The following XKR7 variants were observed in gnomAD, a reference collection of about 807,000 sequenced individuals.
The protein encoded by XKR7 is XK related 7, also known as XK-related protein 7.
XKR7 carries 11 observed loss-of-function variants against 42.2 expected under a neutral mutation model. The ratio of observed to expected loss-of-function variants is 0.26; its 90% CI spans 0.16 to 0.43. The LOEUF is 0.43. Ranked by LOEUF, XKR7 falls within the 20% of genes least tolerant of loss-of-function variation. The probability of loss-of-function intolerance (pLI) is 1.00; values close to 1 mark genes in which losing one functional copy is unlikely to be tolerated. For synonymous variants in XKR7, 346 were observed against 366.4 expected (o/e 0.94, Z 0.64); for missense variants, 710 against 802.2 (o/e 0.89, Z 1.39).
At chr20:31,986,125 G>A (rs2122267583) in intron 1 of XKR7, among the ~76,000 whole-genome samples, 1 of 140,314 alleles carries the variant, frequency 7.1e-6, no homozygotes, top group East Asian at 2.2e-4. Context: ...AACAGATCCA[G>A]CATCCAAGGC....
chr20:31,969,121 C>T (rs557189041), intron 1 of XKR7, among the ~76,000 whole-genome samples: 8 of 152,302 alleles, frequency 5.3e-5, no homozygotes, highest in Non-Finnish European at 1.2e-4. Flanking sequence ...ATAACCCACT[C>T]CTCTCTGCCT....
rs556296390 is a variant in XKR7 at position 32,002,796 on chromosome 20, C to G, written c.*5339C>G. On this transcript the variant is annotated 3_prime_UTR_variant, in exon 3 of 3. Coordinates refer to ENST00000562532, the MANE Select transcript of XKR7 (RefSeq NM_001011718.2). The stretch of plus-strand genomic sequence containing the variant: ...ATGTATTTTATTGAGTTGCTTAATA[C>G]AAAATTCTCAAAAGCACTTGTGGGC... 1.3e-5 allele frequency: 2 copies of G among 152,312 alleles called. No individual in the cohort carries two copies. Among genetic ancestry groups the G allele is most frequent in the African/African-American group, 4.8e-5 (2 of 41,566 alleles). 9.4% of individuals were successfully genotyped at this position (152,312 alleles called of 1,614,324 possible).
intron 2 of XKR7, among the ~76,000 whole-genome samples, chr20:31,996,073 G>A (rs1016683021): frequency 2.7e-5 from 4 of 150,742 alleles, no homozygotes; most frequent in Admixed American, 2.0e-4. Context: ...CTCCATGCCC[G>A]GCCTCCTCCT....
Position 31,996,578 on chromosome 20 carries a change from G to C in XKR7, c.861G>C (p.Ser287=). 5 of 1,538,642 alleles carry C rather than the reference G, an allele frequency of 3.2e-6. No homozygotes were observed. Among genetic ancestry groups the C allele is most frequent in the Non-Finnish European group, 4.4e-6 (5 of 1,146,180 alleles). The change falls in exon 3 of 3, where the codon TCG becomes TCC. Residue 287 remains serine, a synonymous_variant. Coordinates refer to ENST00000562532, the MANE Select transcript of XKR7 (RefSeq NM_001011718.2). ...LASYQKVLRD[S]RDDKRPLSYK... ...CCTACCAGAAGGTGCTGCGGGACTC[G>C]CGGGACGACAAGCGGCCGCTGTCCT... is the stretch of plus-strand genomic sequence containing the variant.
intron 1 of XKR7, among the ~76,000 whole-genome samples, chr20:31,972,711 G>T (rs1426503394): frequency 6.6e-6 from 1 of 152,156 alleles, no homozygotes; most frequent in Non-Finnish European, 1.5e-5. Flanking sequence ...CCAGGCTTTC[G>T]GGATCTGGGA....
Position 31,968,828 on chromosome 20 carries a change from C to T in XKR7, c.584+69C>T. 7.0e-7 allele frequency: 1 copy of T among 1,436,982 alleles called. No homozygotes were observed. The highest frequency in any genetic ancestry group is 1.5e-5 in the South Asian group (1 of 68,206). The allele number at this position is 1,436,982 out of a possible 1,614,324, so 89.0% of individuals were successfully genotyped here. On this transcript the variant is annotated intron_variant, in intron 1 of 2. Transcript: ENST00000562532. The surrounding 1 kb of genome is among the most constrained non-coding windows in gnomAD (Gnocchi z 4.5). ...GGTGGCGAAGGGCTACCTGACGTCC[C>T]AGCCCTGATCTGACCTTTCCGGGCT...
rs1178364085 is a variant in XKR7 at position 31,968,566 on chromosome 20, G to A, written c.391G>A (p.Asp131Asn). Residue 131 changes from aspartate to asparagine, a missense_variant, in exon 1 of 3, where the codon GAC becomes AAC. This residue lies in a region of XKR7 where 708 missense variants were observed against 786.2 expected (regional missense o/e 0.90). Transcript: ENST00000562532. This position sits in a 1 kb window ranked among gnomAD's most constrained non-coding sequence, Gnocchi z 4.5. ...GSPGPAVSTK[D>N]SVAGGAAIST... ...CCCGGGACCCGCCGTCAGCACCAAG[G>A]ACAGCGTAGCCGGCGGAGCCGCCAT... The A allele has an allele frequency of 6.2e-7, 1 of 1,610,770 alleles. No individual in the cohort carries two copies. The highest frequency in any genetic ancestry group is 1.1e-5 in the South Asian group (1 of 90,938).
intron 1 of XKR7, among the ~76,000 whole-genome samples, chr20:31,979,114 G>A (rs1354857109): frequency 4.1e-5 from 6 of 146,562 alleles, no homozygotes; most frequent in African/African-American, 1.3e-4. Flanking sequence ...CAGCCTGGGC[G>A]ACAGAGTGAG....
In XKR7 at chr20:31,995,035, C is replaced by A. The variant is rs1158731907; in HGVS notation, c.585-33C>A. 1 of 1,539,090 alleles carries A rather than the reference C, an allele frequency of 6.5e-7. No individual in the cohort carries two copies. The highest frequency in any genetic ancestry group is 2.5e-5 in the East Asian group (1 of 40,574). On this transcript the variant is annotated intron_variant, in intron 1 of 2. Coordinates refer to ENST00000562532, the MANE Select transcript of XKR7 (RefSeq NM_001011718.2). The surrounding 1 kb of genome is among the most constrained non-coding windows in gnomAD (Gnocchi z 4.1). ...TGCGACAGAGCGAGAGGAACCAGCG[C>A]GCGGGAGCCTGAGCACCGCGTCCTT...
rs963963189 is a variant in XKR7 at position 31,968,692 on chromosome 20, T to G, written c.517T>G (p.Cys173Gly). ...PSSASAYRRR[C>G]CRLCIWLLQT... ...CTCGGCCAGCGCCTACCGCCGCCGC[T>G]GCTGCCGCCTCTGCATCTGGCTGCT... The change falls in exon 1 of 3, where the codon TGC (cysteine) becomes GGC (glycine). Residue 173 changes from cysteine (C) to glycine (G), a missense_variant. By Grantham distance (159) the Cys-to-Gly change is radical (BLOSUM62 -3). Transcript: ENST00000562532. The surrounding 1 kb of genome is among the most constrained non-coding windows in gnomAD (Gnocchi z 4.5). 6.4e-7 allele frequency: 1 copy of G among 1,566,230 alleles called. No homozygotes were observed. Among genetic ancestry groups the G allele is most frequent in the Non-Finnish European group, 8.6e-7 (1 of 1,163,894 alleles).
chr20:31,971,594 G>A (rs183915572), intron 1 of XKR7, among the ~76,000 whole-genome samples: 147 of 152,330 alleles, frequency 9.7e-4, no homozygotes, highest in Non-Finnish European at 1.7e-3. Flanking sequence ...TCTGAGTGGT[G>A]GGGCCTGGGG....
intron 1 of XKR7, among the ~76,000 whole-genome samples, chr20:31,983,745 G>A (rs983839837): frequency 2.0e-5 from 3 of 152,160 alleles, no homozygotes; most frequent in South Asian, 2.1e-4. Flanking sequence ...TCAGGAGTTC[G>A]AGACCATCCT....
At position 31,995,095 on chromosome 20, in the gene XKR7, G is replaced by A; in HGVS notation, c.612G>A (p.Leu204=). The A allele has an allele frequency of 6.4e-7, 1 of 1,554,184 alleles. No individual in the cohort carries two copies. The highest frequency in any genetic ancestry group is 1.9e-5 in the Admixed American group (1 of 51,796). ...ACCTGCGCGCCCTGTACCTGGGGCT[G>A]CAGAGCCGCTGGCGCGGGGAGCGGC... ...WRYLRALYLG[L]QSRWRGERLR... is the part of the protein sequence containing the mutation. The change falls in exon 2 of 3, where the codon CTG becomes CTA. Residue 204 remains leucine, a synonymous_variant. Coordinates refer to ENST00000562532, the MANE Select transcript of XKR7 (RefSeq NM_001011718.2). This position sits in a 1 kb window ranked among gnomAD's most constrained non-coding sequence, Gnocchi z 4.1.
At position 32,002,198 on chromosome 20, in the gene XKR7, C is replaced by G. The variant is rs1010453443; in HGVS notation, c.*4741C>G. ...TCCCCAGGGGACAGAGAGGTTACCC[C>G]CTTGTGCTTAGCTTCTGCCACCCTT... On this transcript the variant is annotated 3_prime_UTR_variant, in exon 3 of 3. Transcript: ENST00000562532. 1 of 152,194 alleles carries G rather than the reference C, an allele frequency of 6.6e-6. No homozygotes were observed. The allele number at this position is 152,194 out of a possible 1,614,324, so 9.4% of individuals were successfully genotyped here.
At chr20:31,969,988 G>T (rs1440808618) in intron 1 of XKR7, among the ~76,000 whole-genome samples, 1 of 152,188 alleles carries the variant, frequency 6.6e-6, no homozygotes, top group Non-Finnish European at 1.5e-5. Context: ...CTCACTTGCT[G>T]TGTCACTCTT....
At position 31,999,734 on chromosome 20, in the gene XKR7, C is replaced by T. The variant is rs1039972427; in HGVS notation, c.*2277C>T. ...TTACACTCTCCTCTGGTCACGACGT[C>T]CCTGCAAGAGAGGTATTATCAACCC... is the stretch of plus-strand genomic sequence containing the variant. On this transcript the variant is annotated 3_prime_UTR_variant, in exon 3 of 3. Coordinates refer to ENST00000562532, the MANE Select transcript of XKR7 (RefSeq NM_001011718.2). The T allele has an allele frequency of 1.5e-4, 23 of 152,184 alleles. 1 individual carries two copies. Among genetic ancestry groups the T allele is most frequent in the African/African-American group, 5.5e-4 (23 of 41,534 alleles). 9.4% of individuals were successfully genotyped at this position (152,184 alleles called of 1,614,324 possible).
At chr20:31,985,056 G>A (rs2064531352) in intron 1 of XKR7, among the ~76,000 whole-genome samples, 1 of 152,242 alleles carries the variant, frequency 6.6e-6, no homozygotes, top group African/African-American at 2.4e-5. Context: ...CTCAGTAAGT[G>A]TGAGCTGTTA....
intron 1 of XKR7, among the ~76,000 whole-genome samples, chr20:31,990,120 G>A (rs757073581): frequency 6.6e-6 from 1 of 152,090 alleles, no homozygotes; most frequent in Non-Finnish European, 1.5e-5. Context: ...CCTGCCCAGT[G>A]TATGCTACTC....
Position 31,995,712 on chromosome 20 carries a change from G to T in XKR7, c.787+442G>T, listed in dbSNP as rs1054960575. On this transcript the variant is annotated intron_variant, in intron 2 of 2. Coordinates refer to ENST00000562532, the MANE Select transcript of XKR7 (RefSeq NM_001011718.2). The surrounding 1 kb of genome is among the most constrained non-coding windows in gnomAD (Gnocchi z 4.1). ...TGGCCAATCACCATCAGTTTCCAGA[G>T]AGCCTACCCCTTCACTGGGGGGCCC... 6.6e-6 allele frequency among the ~76,000 whole-genome samples: 1 copy of T among 151,382 alleles called. No homozygotes were observed. The highest frequency in any genetic ancestry group is 6.6e-5 in the Admixed American group (1 of 15,234).
Sources: gnomAD v4.1 joint callset for allele counts (sites outside exome capture counted in the v4.1 genomes callset) on GRCh38, gnomAD v4.1.1 for gene constraint, gnomAD v4.1.1 regional missense constraint, Gnocchi (gnomAD v3.1) non-coding constraint, MANE v1.5 for transcripts, NCBI Gene and HGNC (gene_info 2026-07-23, HGNC 2026-07-21) for gene names.